ACAN: variants seen among roughly 807,000 people sequenced by gnomAD.
ACAN encodes the protein aggrecan.
Under a neutral mutation model 169.1 loss-of-function variants are expected in ACAN, and 47 were observed. The observed-to-expected ratio is 0.28, with a 90% CI of 0.22 to 0.35. The LOEUF (loss-of-function observed/expected upper bound fraction) is 0.35, where lower values mean the gene tolerates loss of function less well. ACAN is among the 10% of genes least tolerant of loss of function. The pLI is 1.00. For missense variants in ACAN, 2,716 were observed against 2,759.9 expected (o/e 0.98, Z 0.36); for synonymous variants, 1,115 against 1,112.2 (o/e 1.00, Z -0.05).
At position 88,860,395 on chromosome 15, in the gene ACAN, T is replaced by C; in HGVS notation, c.6902T>C (p.Ile2301Thr). ...TGCAAGGAGACAGAGGGACACGTCA[T>C]ATGCCTGTGCCCCCCTGGCTACACT... ...GTCKETEGHV[I>T]CLCPPGYTGE... Residue 2301 changes from isoleucine to threonine, a missense_variant, in exon 13 of 19, where the codon ATA becomes ACA. Transcript: ENST00000560601. 5 of 1,613,730 alleles carry C rather than the reference T, an allele frequency of 3.1e-6. No individual in the cohort carries two copies. Among genetic ancestry groups the C allele is most frequent in the Non-Finnish European group, 4.2e-6 (5 of 1,179,844 alleles).
Position 88,840,744 on chromosome 15 carries a change from C to T in ACAN, c.629+558C>T, listed in dbSNP as rs76496092. ...AGGAAGGAAAATGTCTTTGCAGTCT[C>T]GGGGTAGGAAAACAGATCTTAGGAT... On this transcript the variant is annotated intron_variant, in intron 4 of 18. Transcript: ENST00000560601. Among the ~76,000 whole-genome samples, 938 of 148,508 alleles carry T rather than the reference C, an allele frequency of 6.3e-3. 9 individuals are homozygous for T. The highest frequency in any genetic ancestry group is 0.011 in the Non-Finnish European group (739 of 67,588).
At chr15:88,804,158 G>A (rs960900299) in intron 1 of ACAN, among the ~76,000 whole-genome samples, 2 of 152,218 alleles carry the variant, frequency 1.3e-5, no homozygotes, top group African/African-American at 4.8e-5. Context: ...AGCAGCTTCA[G>A]AGTCAAGGGA....
intron 1 of ACAN, among the ~76,000 whole-genome samples, chr15:88,808,508 G>A (rs1895741376): frequency 6.6e-6 from 1 of 152,166 alleles, no homozygotes; most frequent in Non-Finnish European, 1.5e-5. Flanking sequence ...TAACCAACCT[G>A]AACCTGACCC....
rs1191682270 is a variant in ACAN, at chr15:88,843,683, G to A, written c.1051+35G>A. ...GGCTGGTGGTGGGAAGGGAGTTCAT[G>A]CCACTAAAATGGGGTCCTAGAGGGA... On this transcript the variant is annotated intron_variant, in intron 6 of 18. Transcript: ENST00000560601. This position sits in a 1 kb window ranked among gnomAD's most constrained non-coding sequence, Gnocchi z 4.0. The A allele has an allele frequency of 2.6e-6, 4 of 1,537,374 alleles. No individual in the cohort carries two copies. Among genetic ancestry groups the A allele is most frequent in the South Asian group, 2.5e-5 (2 of 79,310 alleles).
intron 7 of ACAN, 40 bp from the exon 8 acceptor site, chr15:88,847,203 G>C (rs12911138): frequency 1.3e-4 from 199 of 1,505,864 alleles, no homozygotes; most frequent in Non-Finnish European, 1.7e-4. Flanking sequence ...GCTGCACACC[G>C]TGGGTCCCTG....
chr15:88,865,745 G>A (rs765477123), intron 13 of ACAN, among the ~76,000 whole-genome samples: 2 of 152,202 alleles, frequency 1.3e-5, no homozygotes, highest in Admixed American at 1.3e-4. Flanking sequence ...AGTTCCAGAA[G>A]GCATGAGATG....
intron 2 of ACAN, among the ~76,000 whole-genome samples, chr15:88,837,116 G>C (rs546140954): frequency 6.6e-6 from 1 of 152,320 alleles, no homozygotes; most frequent in African/African-American, 2.4e-5. Context: ...CTCCTACGGG[G>C]ACACCATACC....
chr15:88,817,407 G>A (rs1895967918), intron 1 of ACAN, among the ~76,000 whole-genome samples: 2 of 152,110 alleles, frequency 1.3e-5, no homozygotes, highest in Admixed American at 6.5e-5. Flanking sequence ...CTCCCAAAGT[G>A]CTGGGATTAT....
chr15:88,822,936 A>G (rs1243369508), intron 1 of ACAN, among the ~76,000 whole-genome samples: 2 of 152,202 alleles, frequency 1.3e-5, no homozygotes, highest in Non-Finnish European at 2.9e-5. Flanking sequence ...TTGTTTCCCT[A>G]CAGCCACATC....
intron 1 of ACAN, among the ~76,000 whole-genome samples, chr15:88,827,157 G>A (rs1896244206): frequency 6.6e-6 from 1 of 152,156 alleles, no homozygotes; most frequent in Non-Finnish European, 1.5e-5. Context: ...GCCCACTGTT[G>A]CCTGAAGATA....
At chr15:88,834,950 A>G (rs1896463977) in intron 1 of ACAN, among the ~76,000 whole-genome samples, 1 of 152,232 alleles carries the variant, frequency 6.6e-6, no homozygotes, top group African/African-American at 2.4e-5. Context: ...TGCTGGAGTC[A>G]GGGTTCCAAT....
At chr15:88,864,409 A>T (rs1359827907) in intron 13 of ACAN, among the ~76,000 whole-genome samples, 1 of 151,990 alleles carries the variant, frequency 6.6e-6, no homozygotes, top group Non-Finnish European at 1.5e-5. Flanking sequence ...CTGGGATTAC[A>T]GGCACACATC....
Position 88,848,022 on chromosome 15 carries a change from T to C in ACAN, c.1716T>C (p.Phe572=). Residue 572 remains phenylalanine (F), a synonymous_variant, in exon 9 of 19, where the codon TTT becomes TTC. Coordinates refer to ENST00000560601, the MANE Select transcript of ACAN (RefSeq NM_001369268.1). ...PSTETYDVYC[F]VDRLEGEVFF... ...CAGAGACCTACGATGTCTACTGCTTTGTAGACAGACTTGAGGGTACAAGCC... is the reference window on the plus strand; with the variant it reads ...CAGAGACCTACGATGTCTACTGCTTCGTAGACAGACTTGAGGGTACAAGCC... The C allele has an allele frequency of 6.2e-7, 1 of 1,613,668 alleles. No homozygotes were observed. The highest frequency in any genetic ancestry group is 8.5e-7 in the Non-Finnish European group (1 of 1,179,752).
intron 1 of ACAN, among the ~76,000 whole-genome samples, chr15:88,831,240 C>A (rs1345297592): frequency 6.6e-6 from 1 of 152,172 alleles, no homozygotes; most frequent in Non-Finnish European, 1.5e-5. Flanking sequence ...AAGGGGTGAC[C>A]CTGATTGTTC....
intron 13 of ACAN, among the ~76,000 whole-genome samples, chr15:88,864,706 G>A (rs1222763692): frequency 6.6e-6 from 1 of 152,122 alleles, no homozygotes; most frequent in Non-Finnish European, 1.5e-5. Context: ...TTGATCCCAG[G>A]TCTTTGCAAC....
chr15:88,814,432 T>C lies in ACAN; in HGVS notation c.-8+10623T>C, dbSNP rs144906755. ...CTGCCTACTTATGCTCTTAAGATAG[T>C]CTTACCATCCTGGAGCAGAAAGGGG... On this transcript the variant is annotated intron_variant, in intron 1 of 18. Transcript: ENST00000560601. The surrounding 1 kb of genome is among the most constrained non-coding windows in gnomAD (Gnocchi z 4.0). Among the ~76,000 whole-genome samples, 15 of 152,250 alleles carry C rather than the reference T, an allele frequency of 9.9e-5. No individual in the cohort carries two copies. The highest frequency in any genetic ancestry group is 3.6e-4 in the African/African-American group (15 of 41,548).
rs748601856 is a variant in ACAN, at chr15:88,807,628, AG to A, written c.-8+3824del. Among the ~76,000 whole-genome samples, 1 of 152,162 alleles carries A rather than the reference AG, an allele frequency of 6.6e-6. No individual in the cohort carries two copies. Among genetic ancestry groups the A allele is most frequent in the Non-Finnish European group, 1.5e-5 (1 of 68,022 alleles). On this transcript the variant is annotated intron_variant, in intron 1 of 18. Transcript: ENST00000560601. This position sits in a 1 kb window ranked among gnomAD's most constrained non-coding sequence, Gnocchi z 4.0. ...AGTGCAGGCGAGAGGAGGACCAGAG[AG>A]GGGGAATTTGTAGAGAAAACGGTAA...
Position 88,870,078 on chromosome 15 carries a change from C to T in ACAN, c.7061-1304C>T, listed in dbSNP as rs1596155596. ...ACCTCTTTCCAGACTGCAGCCTCAC[C>T]CCTTGGGGAAGGCATTCATAGCTGA... On this transcript the variant is annotated intron_variant, in intron 14 of 18. Transcript: ENST00000560601. The surrounding 1 kb of genome is among the most constrained non-coding windows in gnomAD (Gnocchi z 6.3). 6.6e-6 allele frequency among the ~76,000 whole-genome samples: 1 copy of T among 152,194 alleles called. No homozygotes were observed. Among genetic ancestry groups the T allele is most frequent in the Admixed American group, 6.5e-5 (1 of 15,280 alleles).
chr15:88,832,612 C>T (rs148197195), intron 1 of ACAN, among the ~76,000 whole-genome samples: 16 of 152,298 alleles, frequency 1.1e-4, no homozygotes, highest in Non-Finnish European at 1.8e-4. Flanking sequence ...ACTATCAAAA[C>T]ACTAATAATG....
Sources: gnomAD v4.1 joint callset for allele counts (sites outside exome capture counted in the v4.1 genomes callset) on GRCh38, gnomAD v4.1.1 for gene constraint, Gnocchi (gnomAD v3.1) non-coding constraint, MANE v1.5 for transcripts, NCBI Gene and HGNC (gene_info 2026-07-23, HGNC 2026-07-21) for gene names.